The following PRDM15 variants were observed in gnomAD, a reference collection of about 807,000 sequenced individuals.
PRDM15 encodes PR domain zinc finger protein 15.
PRDM15 carries 64 observed loss-of-function variants against 128.6 expected under a neutral mutation model. The observed-to-expected ratio is 0.50, with a 90% CI of 0.41 to 0.61. The LOEUF is 0.61. PRDM15 is among the 20% of genes least tolerant of loss of function. The probability of loss-of-function intolerance (pLI) is 0.00; values close to 1 mark genes in which losing one functional copy is unlikely to be tolerated. For synonymous variants in PRDM15, 615 were observed against 621.8 expected (o/e 0.99, Z 0.16); for missense variants, 1,242 against 1,569.1 (o/e 0.79, Z 3.52).
At position 41,830,342 on chromosome 21, in the gene PRDM15, A is replaced by AC. The variant is rs1280344387; in HGVS notation, c.1367-2010dup. 1.4e-3 allele frequency among the ~76,000 whole-genome samples: 217 copies of AC among 151,278 alleles called. 1 individual carries two copies. Among genetic ancestry groups the AC allele is most frequent in the African/African-American group, 5.1e-3 (208 of 40,998 alleles). On this transcript the variant is annotated intron_variant, in intron 11 of 23. Coordinates refer to ENST00000398548, the MANE Select transcript of PRDM15 (RefSeq NM_001040424.3). The stretch of plus-strand genomic sequence containing the variant: ...TCAACACATACACCACACACAACCC[A>AC]CACACAAATACACACACAACATACA...
intron 13 of PRDM15, among the ~76,000 whole-genome samples, chr21:41,823,786 A>C (rs2062370559): frequency 6.6e-6 from 1 of 152,244 alleles, no homozygotes; most frequent in Non-Finnish European, 1.5e-5. Context: ...AAACCACAGA[A>C]GTACCTGCAA....
At chr21:41,818,984 T>C (rs966981059) in intron 18 of PRDM15, among the ~76,000 whole-genome samples, 20 of 152,210 alleles carry the variant, frequency 1.3e-4, no homozygotes, top group African/African-American at 4.1e-4. Flanking sequence ...GCTGAGGGTT[T>C]TGCATCTACT....
chr21:41,857,617 T>G (rs1371985860), intron 3 of PRDM15, among the ~76,000 whole-genome samples: 1 of 152,090 alleles, frequency 6.6e-6, no homozygotes, highest in Non-Finnish European at 1.5e-5. Flanking sequence ...AAATATTAGC[T>G]GGACATGGTG....
chr21:41,875,951 C>A (rs928380092), intron 1 of PRDM15, among the ~76,000 whole-genome samples: 1 of 152,188 alleles, frequency 6.6e-6, no homozygotes, highest in Admixed American at 6.5e-5. Context: ...GTATAGCCTA[C>A]TACACACCTA....
intron 1 of PRDM15, among the ~76,000 whole-genome samples, chr21:41,872,346 T>C (rs1481534031): frequency 1.3e-5 from 2 of 152,208 alleles, no homozygotes; most frequent in Non-Finnish European, 2.9e-5. Context: ...TCTTACATTC[T>C]CTTCCCCTCC....
intron 6 of PRDM15, among the ~76,000 whole-genome samples, chr21:41,842,645 C>T (rs955444086): frequency 6.6e-5 from 10 of 152,242 alleles, no homozygotes; most frequent in African/African-American, 1.7e-4. Flanking sequence ...CGTGCACCAC[C>T]GTGCCCAGCT....
chr21:41,860,568 G>A (rs1483745668), intron 1 of PRDM15, among the ~76,000 whole-genome samples, 196 bp from the exon 2 acceptor site: 1 of 152,128 alleles, frequency 6.6e-6, no homozygotes, highest in Non-Finnish European at 1.5e-5. Context: ...GACTACAGGT[G>A]TGAGCCACCA....
intron 11 of PRDM15, among the ~76,000 whole-genome samples, chr21:41,833,292 C>T (rs2062758527): frequency 1.3e-5 from 2 of 152,144 alleles, no homozygotes; most frequent in Non-Finnish European, 2.9e-5. Context: ...TTCAGAAAAA[C>T]CCACAAGACT....
intron 6 of PRDM15, among the ~76,000 whole-genome samples, chr21:41,845,834 C>T (rs1274385780): frequency 1.3e-5 from 2 of 152,086 alleles, no homozygotes; most frequent in Non-Finnish European, 2.9e-5. Context: ...TGAGCAGCAA[C>T]GTCTGTCTGG....
chr21:41,861,967 C>A (rs755898453), intron 1 of PRDM15: 2 of 1,613,992 alleles, frequency 1.2e-6, no homozygotes, highest in East Asian at 4.5e-5. Flanking sequence ...GCAAGTGTGA[C>A]TCAGTTTCAT....
chr21:41,803,066 C>G, intron 22 of PRDM15, 145 bp from the exon 23 acceptor site: 1 of 692,556 alleles, frequency 1.4e-6, no homozygotes, highest in South Asian at 1.6e-5. Flanking sequence ...AAACAGTGAC[C>G]ACAGCTGGGT....
At position 41,810,865 on chromosome 21, in the gene PRDM15, A is replaced by G. The variant is rs2061841768; in HGVS notation, c.2393-29T>C. On this transcript the variant is annotated intron_variant, in intron 19 of 23. Coordinates refer to ENST00000398548, the MANE Select transcript of PRDM15 (RefSeq NM_001040424.3). The surrounding 1 kb of genome is among the most constrained non-coding windows in gnomAD (Gnocchi z 6.4). Reference sequence around the variant, plus strand: ...CAGAGAAAGGCGCACATAACTTCCTACGTTTAATGAGTGTTGTAAGTCCAC... The same window carrying G: ...CAGAGAAAGGCGCACATAACTTCCTGCGTTTAATGAGTGTTGTAAGTCCAC... The G allele has an allele frequency of 6.2e-7, 1 of 1,600,172 alleles. No homozygotes were observed.
At chr21:41,824,099 G>A (rs964950982) in intron 13 of PRDM15, among the ~76,000 whole-genome samples, 2 of 152,222 alleles carry the variant, frequency 1.3e-5, no homozygotes, top group Non-Finnish European at 2.9e-5. Flanking sequence ...AACTCTGCGG[G>A]TCTCTATCTG....
intron 23 of PRDM15, 112 bp from the exon 24 acceptor site, chr21:41,801,834 G>C: frequency 1.7e-6 from 2 of 1,201,120 alleles, no homozygotes; most frequent in Non-Finnish European, 1.2e-6. Context: ...GACATTCTTT[G>C]GTGAAAGAGG....
chr21:41,852,322 C>G (rs549093749), intron 5 of PRDM15, among the ~76,000 whole-genome samples: 6 of 152,254 alleles, frequency 3.9e-5, no homozygotes, highest in Non-Finnish European at 2.9e-5. Context: ...GCCGTGGGCA[C>G]ACGTGCTGCC....
chr21:41,850,961 G>A (rs559410141), intron 5 of PRDM15, among the ~76,000 whole-genome samples: 1 of 152,274 alleles, frequency 6.6e-6, no homozygotes, highest in East Asian at 1.9e-4. Flanking sequence ...TGAGTCTTAG[G>A]ATCTCTCACG....
intron 22 of PRDM15, among the ~76,000 whole-genome samples, chr21:41,803,654 C>T (rs534883083): frequency 6.6e-6 from 1 of 152,198 alleles, no homozygotes; most frequent in African/African-American, 2.4e-5. Flanking sequence ...GACGACCCGT[C>T]CCCCCCATGC....
intron 1 of PRDM15, among the ~76,000 whole-genome samples, chr21:41,870,031 G>A (rs12151960): frequency 0.83 from 126,100 of 152,222 alleles, 52,424 homozygotes; most frequent in Non-Finnish European, 0.86. Context: ...TCAAGTCTCA[G>A]AGCTGGGCAG....
chr21:41,804,461 G>T, intron 22 of PRDM15, 73 bp downstream of exon 22: 1 of 1,214,546 alleles, frequency 8.2e-7, no homozygotes, highest in Non-Finnish European at 1.2e-6. Flanking sequence ...GCCTGTCCAA[G>T]CCCCTCTGGT....
Sources: gnomAD v4.1 joint callset for allele counts (sites outside exome capture counted in the v4.1 genomes callset) on GRCh38, gnomAD v4.1.1 for gene constraint, Gnocchi (gnomAD v3.1) non-coding constraint, MANE v1.5 for transcripts, NCBI Gene and HGNC (gene_info 2026-07-23, HGNC 2026-07-21) for gene names.